Variants in DNHD1 observed in about 807,000 individuals in gnomAD.
The protein encoded by DNHD1 is dynein heavy chain domain-containing protein 1.
DNHD1 carries 383 observed loss-of-function variants against 458.1 expected under a neutral mutation model. The ratio of observed to expected loss-of-function variants is 0.84; its 90% confidence interval spans 0.77 to 0.91. DNHD1 has a LOEUF of 0.91. DNHD1 is among the 40% of genes least tolerant of loss of function. The pLI, the probability that DNHD1 is intolerant of heterozygous loss-of-function variation, is 0.00. For missense variants in DNHD1, 5,336 were observed against 5,866.1 expected (o/e 0.91, Z 2.95); for synonymous variants, 2,203 against 2,376.9 (o/e 0.93, Z 2.13).
At chr11:6,517,885 A>G (rs1005405419) in intron 7 of DNHD1, among the ~76,000 whole-genome samples, 35 of 152,104 alleles carry the variant, frequency 2.3e-4, no homozygotes, top group African/African-American at 7.7e-4. Context: ...AATCTTTTGT[A>G]GAATACTTTA....
In DNHD1 at chr11:6,547,595, G is replaced by C; in HGVS notation, c.6656G>C (p.Ser2219Thr). Reference protein sequence around the residue: ...AVCAGVAEVTSMARILHSLLD... With the variant: ...AVCAGVAEVTTMARILHSLLD... ...TGTGCAGGTGTGGCAGAAGTTACCAGCATGGCACGCATCTTGCATAGTCTG... is the reference window on the plus strand; with the variant it reads ...TGTGCAGGTGTGGCAGAAGTTACCACCATGGCACGCATCTTGCATAGTCTG... The change falls in exon 21 of 43, where the codon AGC becomes ACC. Residue 2219 changes from serine (S) to threonine (T), a missense_variant. By Grantham distance (58) the Ser-to-Thr change is moderately conservative. This residue lies in a region of DNHD1 where 3,932 missense variants were observed against 4,365.6 expected (regional missense o/e 0.90). Transcript: ENST00000254579. 6 of 1,547,604 alleles carry C rather than the reference G, an allele frequency of 3.9e-6. No individual in the cohort carries two copies. Among genetic ancestry groups the C allele is most frequent in the Non-Finnish European group, 5.2e-6 (6 of 1,143,816 alleles).
In DNHD1 at chr11:6,558,960, T is replaced by A. The variant is rs1185581273; in HGVS notation, c.9270T>A (p.Ala3090=). The A allele has an allele frequency of 6.4e-7, 1 of 1,551,566 alleles. No individual in the cohort carries two copies. The highest frequency in any genetic ancestry group is 2.4e-5 in the East Asian group (1 of 40,908). Residue 3090 remains alanine (A), a synonymous_variant, in exon 27 of 43, where the codon GCT becomes GCA. Transcript: ENST00000254579. The part of the protein sequence containing the change: ...ASIPSVAKAM[A]LIHLSATHYH... ...TTCCCAGTGTGGCCAAAGCCATGGC[T>A]CTTATCCACCTTTCGGCCACCCACT...
rs1589862127 is a variant in DNHD1, at chr11:6,498,299, C to T, written c.84C>T (p.Val28=). 1 of 1,614,218 alleles carries T rather than the reference C, an allele frequency of 6.2e-7. No individual in the cohort carries two copies. The highest frequency in any genetic ancestry group is 8.5e-7 in the Non-Finnish European group (1 of 1,180,038). ...TTAAGTCTTGGCACTCCATATGTGT[C>T]TTGGACAGCAAAGAACAGCCCTTGG... is the stretch of plus-strand genomic sequence containing the variant. ...DSLKSWHSIC[V]LDSKEQPLAC... Residue 28 remains valine, a synonymous_variant, in exon 3 of 43, where the codon GTC becomes GTT. Coordinates refer to ENST00000254579, the MANE Select transcript of DNHD1 (RefSeq NM_144666.3).
chr11:6,548,027 C>CACCTTCCCTCCAGGTACCT lies in DNHD1; in HGVS notation c.6896_6905+9dup. 3 of 1,551,676 alleles carry CACCTTCCCTCCAGGTACCT rather than the reference C, an allele frequency of 1.9e-6. No individual in the cohort carries two copies. Among genetic ancestry groups the CACCTTCCCTCCAGGTACCT allele is most frequent in the Non-Finnish European group, 2.6e-6 (3 of 1,147,002 alleles). ...TGCCTTGATCTGGGGCTTTGGAGCC[C>CACCTTCCCTCCAGGTACCT]ACCTTCCCTCCAGGTACCTACCAGG... On this transcript the variant is annotated frameshift_variant, in exon 22 of 43. Transcript: ENST00000254579. LOFTEE classifies it high-confidence loss of function. This position sits in a 1 kb window ranked among gnomAD's most constrained non-coding sequence, Gnocchi z 4.4.
chr11:6,544,490 G>A (rs772849678), intron 19 of DNHD1, 84 bp from the exon 20 acceptor site: 1 of 1,196,590 alleles, frequency 8.4e-7, no homozygotes, highest in Non-Finnish European at 1.2e-6. Context: ...TGGGGTACCT[G>A]AGAGGTCAGG....
chr11:6,525,083 C>G (rs1852683882), intron 10 of DNHD1, among the ~76,000 whole-genome samples: 1 of 152,012 alleles, frequency 6.6e-6, no homozygotes, highest in South Asian at 2.1e-4. Context: ...TTTTTTCATT[C>G]TCAGGCTTGT....
chr11:6,571,360 C>A lies in DNHD1; in HGVS notation c.13848C>A (p.Gly4616=), dbSNP rs373737043. The part of the protein sequence containing the change: ...VPSSNFPGSR[G]SVSSQLQYKR... ...GCTCGAATTTCCCTGGTAGCCGAGG[C>A]TCGGTCTCCAGTCAGCTCCAGTATA... The change falls in exon 42 of 43, where the codon GGC becomes GGA. Residue 4616 remains glycine, a synonymous_variant. Coordinates refer to ENST00000254579, the MANE Select transcript of DNHD1 (RefSeq NM_144666.3). This position sits in a 1 kb window ranked among gnomAD's most constrained non-coding sequence, Gnocchi z 5.0. 8 of 1,612,468 alleles carry A rather than the reference C, an allele frequency of 5.0e-6. No homozygotes were observed. The highest frequency in any genetic ancestry group is 3.3e-4 in the Middle Eastern group (2 of 6,062).
In DNHD1 at chr11:6,539,993, C is replaced by T. The variant is rs1183555577; in HGVS notation, c.3538C>T (p.Pro1180Ser). The T allele has an allele frequency of 6.4e-7, 1 of 1,551,456 alleles. No homozygotes were observed. Among genetic ancestry groups the T allele is most frequent in the Non-Finnish European group, 8.7e-7 (1 of 1,146,872 alleles). ...CTTCATCCTGCATGTACCCTACGAGCCCCCAGCCTCAGAGCGCTCCAAGAG... is the reference window on the plus strand; with the variant it reads ...CTTCATCCTGCATGTACCCTACGAGTCCCCAGCCTCAGAGCGCTCCAAGAG... ...LNFILHVPYE[P>S]PASERSKRQV... Residue 1180 changes from proline (P) to serine (S), a missense_variant, in exon 18 of 43, where the codon CCC (proline) becomes TCC (serine). By Grantham distance (74) the Pro-to-Ser change is moderately conservative. Transcript: ENST00000254579.
chr11:6,544,283 C>T, intron 19 of DNHD1, 37 bp downstream of exon 19: 2 of 1,550,536 alleles, frequency 1.3e-6, no homozygotes, highest in East Asian at 4.9e-5. Flanking sequence ...ATGGGTGAGA[C>T]CTGAGGCAGG....
In DNHD1 at chr11:6,571,798, G is replaced by A. The variant is rs1413290985; in HGVS notation, c.14074G>A (p.Gly4692Ser). The A allele has an allele frequency of 1.9e-6, 3 of 1,613,834 alleles. No individual in the cohort carries two copies. The highest frequency in any genetic ancestry group is 3.3e-5 in the Admixed American group (2 of 59,990). ...CGTCAGCATCAGCACACAGGCCCCGGGCACCAGTGACCTGCCAGCCCCAGC... is the reference window on the plus strand; with the variant it reads ...CGTCAGCATCAGCACACAGGCCCCGAGCACCAGTGACCTGCCAGCCCCAGC... Reference protein sequence around the residue: ...PPVSISTQAPGTSDLPAPADL... With the variant: ...PPVSISTQAPSTSDLPAPADL... The change falls in exon 43 of 43, where the codon GGC becomes AGC. Residue 4692 changes from glycine to serine, a missense_variant. By Grantham distance (56) the Gly-to-Ser change is moderately conservative. Coordinates refer to ENST00000254579, the MANE Select transcript of DNHD1 (RefSeq NM_144666.3). The surrounding 1 kb of genome is among the most constrained non-coding windows in gnomAD (Gnocchi z 5.0).
At position 6,539,959 on chromosome 11, in the gene DNHD1, C is replaced by CCTGCT; in HGVS notation, c.3506_3510dup (p.Asn1171CysfsTer30). On this transcript the variant is annotated frameshift_variant, in exon 18 of 43. Coordinates refer to ENST00000254579, the MANE Select transcript of DNHD1 (RefSeq NM_144666.3). The stretch of plus-strand genomic sequence containing the variant: ...GGTACTGGGAAGCGCGCCAGCTGCG[C>CCTGCT]CTGCTCAACTTCATCCTGCATGTAC... 1 of 1,551,750 alleles carries CCTGCT rather than the reference C, an allele frequency of 6.4e-7. No homozygotes were observed. The highest frequency in any genetic ancestry group is 8.7e-7 in the Non-Finnish European group (1 of 1,146,988).
In DNHD1 at chr11:6,561,667, G is replaced by A. The variant is rs1853592156; in HGVS notation, c.9520-1315G>A. 3.9e-5 allele frequency among the ~76,000 whole-genome samples: 6 copies of A among 152,344 alleles called. No individual in the cohort carries two copies. In the South Asian group the frequency reaches 1.2e-3, roughly 32 times the overall value. On this transcript the variant is annotated intron_variant, in intron 28 of 42. Coordinates refer to ENST00000254579, the MANE Select transcript of DNHD1 (RefSeq NM_144666.3). ...CAGCACAGAGCGTGTATATAACATG[G>A]TAGGAGCTCAAAAACATTCACTAAC...
intron 4 of DNHD1, chr11:6,503,969 C>T (rs1039562968): frequency 6.6e-6 from 1 of 152,170 alleles, no homozygotes; most frequent in African/African-American, 2.4e-5. Flanking sequence ...TGGACTGATA[C>T]ATAAGAGAGG....
chr11:6,554,174 A>AT (rs894948399), intron 24 of DNHD1, among the ~76,000 whole-genome samples: 2 of 152,224 alleles, frequency 1.3e-5, no homozygotes, highest in Non-Finnish European at 2.9e-5. Context: ...AATCTGATAT[A>AT]TAGTCATATG....
At chr11:6,518,819 C>T (rs1852544415) in intron 7 of DNHD1, among the ~76,000 whole-genome samples, 1 of 152,104 alleles carries the variant, frequency 6.6e-6, no homozygotes, top group African/African-American at 2.4e-5. Context: ...TAGGACTTAA[C>T]TGTCTTATGC....
At chr11:6,507,586 A>G (rs1346565000) in intron 4 of DNHD1, among the ~76,000 whole-genome samples, 1 of 152,170 alleles carries the variant, frequency 6.6e-6, no homozygotes, top group Non-Finnish European at 1.5e-5. Context: ...AGAGTACTGT[A>G]TAACTCCTGG....
In DNHD1 at chr11:6,516,091, C is replaced by T. The variant is rs1420260275; in HGVS notation, c.1393-3509C>T. Among the ~76,000 whole-genome samples the T allele has an allele frequency of 6.6e-5, 10 of 151,956 alleles. No individual in the cohort carries two copies. The South Asian group carries it at 1.9e-3, about 28-fold the overall frequency. On this transcript the variant is annotated intron_variant, in intron 7 of 42. Coordinates refer to ENST00000254579, the MANE Select transcript of DNHD1 (RefSeq NM_144666.3). ...CATGAGCCACCACACCCAGCCAAGACACAATAATTTTTTAACCTCCATTGT... is the reference window on the plus strand; with the variant it reads ...CATGAGCCACCACACCCAGCCAAGATACAATAATTTTTTAACCTCCATTGT...
At position 6,557,257 on chromosome 11, in the gene DNHD1, C is replaced by G; in HGVS notation, c.7962C>G (p.Thr2654=). 1.9e-6 allele frequency: 3 copies of G among 1,551,596 alleles called. No homozygotes were observed. The highest frequency in any genetic ancestry group is 2.6e-6 in the Non-Finnish European group (3 of 1,146,992). ...TTTGGTTGCATGAGGCACAGAGAAC[C>G]TTTTGCGACCGGCTGGACAGCCCCA... is the stretch of plus-strand genomic sequence containing the variant. ...VRLWLHEAQR[T]FCDRLDSPRE... is the part of the protein sequence containing the mutation. The change falls in exon 25 of 43, where the codon ACC becomes ACG. Residue 2654 remains threonine, a synonymous_variant. Transcript: ENST00000254579.
At position 6,571,409 on chromosome 11, in the gene DNHD1, C is replaced by T. The variant is rs755241994; in HGVS notation, c.13897C>T (p.Pro4633Ser). 1.9e-6 allele frequency: 3 copies of T among 1,600,386 alleles called. No homozygotes were observed. The highest frequency in any genetic ancestry group is 1.7e-5 in the Admixed American group (1 of 59,272). The change falls in exon 42 of 43, where the codon CCT (proline) becomes TCT (serine). Residue 4633 changes from proline to serine, a missense_variant. Coordinates refer to ENST00000254579, the MANE Select transcript of DNHD1 (RefSeq NM_144666.3). This position sits in a 1 kb window ranked among gnomAD's most constrained non-coding sequence, Gnocchi z 5.0. ...TAAACGTCTGGAGATGAACAGCAAC[C>T]CTCTGCACTTCAGGGTATCTTCGCG... ...QYKRLEMNSN[P>S]LHFRVENGPN...
Sources: allele counts gnomAD v4.1 joint callset (sites outside exome capture counted in the v4.1 genomes callset), GRCh38; gene constraint gnomAD v4.1.1; regional missense constraint gnomAD v4.1.1; non-coding constraint Gnocchi (gnomAD v3.1); transcripts MANE v1.5; gene names NCBI Gene and HGNC (gene_info 2026-07-23, HGNC 2026-07-21).